The following AKAP6 variants were observed in gnomAD, a reference collection of about 807,000 sequenced individuals.
The protein encoded by AKAP6 is A-kinase anchoring protein 6, also known as A-kinase anchor protein 6.
A neutral mutation model predicts 188.5 loss-of-function variants in AKAP6; 58 were observed. The ratio of observed to expected loss-of-function variants is 0.31; its 90% confidence interval spans 0.25 to 0.38. The LOEUF is 0.38. AKAP6 is among the 10% of genes least tolerant of loss of function. AKAP6 has a pLI of 1.00. For synonymous variants in AKAP6, 989 were observed against 998.6 expected (o/e 0.99, Z 0.18); for missense variants, 2,710 against 2,740.0 (o/e 0.99, Z 0.24).
rs530952037 is a variant in AKAP6 at position 32,604,943 on chromosome 14, C to A, written c.2730+4151C>A. Among the ~76,000 whole-genome samples, 8 of 152,258 alleles carry A rather than the reference C, an allele frequency of 5.3e-5. No homozygotes were observed. The East Asian group carries it at 1.5e-3, about 29-fold the overall frequency. On this transcript the variant is annotated intron_variant, in intron 7 of 13. Coordinates refer to ENST00000280979, the MANE Select transcript of AKAP6 (RefSeq NM_004274.5). ...TCACCTAGGTATTAAGCCCAGCATG[C>A]ATTAGCTTTTTTTCCTGATGCTCTC...
At chr14:32,394,336 A>G (rs1182076494) in intron 1 of AKAP6, among the ~76,000 whole-genome samples, 1 of 152,140 alleles carries the variant, frequency 6.6e-6, no homozygotes, top group Non-Finnish European at 1.5e-5. Flanking sequence ...GCTTCCAAAG[A>G]TTTAAGATTC....
intron 2 of AKAP6, among the ~76,000 whole-genome samples, chr14:32,510,448 A>ACATATATATGTG (rs1881177486): frequency 8.4e-5 from 2 of 23,738 alleles, no homozygotes; most frequent in African/African-American, 3.8e-4. Context: ...GTATATATAT[A>ACATATATATGTG]TACATATATA....
At chr14:32,461,504 C>G (rs1594638516) in intron 2 of AKAP6, among the ~76,000 whole-genome samples, 1 of 152,112 alleles carries the variant, frequency 6.6e-6, no homozygotes, top group East Asian at 1.9e-4. Context: ...AGAAGAAAAA[C>G]TAACAAACAG....
At chr14:32,712,059 G>A (rs941819825) in intron 9 of AKAP6, among the ~76,000 whole-genome samples, 2 of 151,932 alleles carry the variant, frequency 1.3e-5, no homozygotes, top group African/African-American at 2.4e-5. Flanking sequence ...ACAAACTCAT[G>A]GGTAAATATA....
At chr14:32,355,941 ATT>A (rs891602977) in intron 1 of AKAP6, among the ~76,000 whole-genome samples, 1 of 151,840 alleles carries the variant, frequency 6.6e-6, no homozygotes, top group African/African-American at 2.4e-5. Flanking sequence ...CACCCGGCTA[ATT>A]TTTATATATT....
Position 32,821,428 on chromosome 14 carries a change from C to G in AKAP6, c.3615C>G (p.Gly1205=), listed in dbSNP as rs1188304257. The G allele has an allele frequency of 1.2e-6, 2 of 1,611,612 alleles. No homozygotes were observed. The highest frequency in any genetic ancestry group is 2.2e-5 in the South Asian group (2 of 90,680). Residue 1205 remains glycine, a synonymous_variant, in exon 13 of 14, where the codon GGC becomes GGG. Coordinates refer to ENST00000280979, the MANE Select transcript of AKAP6 (RefSeq NM_004274.5). ...ESETLNVIDP[G]LMDLNGMSED... ...AGACTTTGAATGTGATTGATCCTGG[C>G]TTGATGGACCTAAATGGGATGAGTG...
chr14:32,710,474 G>A lies in AKAP6; in HGVS notation c.3000+14364G>A, dbSNP rs576951612. The stretch of plus-strand genomic sequence containing the variant: ...TAAAAGAAGTGATGGAGAAAAAGAT[G>A]TTAAGAGACACACAACATTTCAAGG... On this transcript the variant is annotated intron_variant, in intron 9 of 13. Transcript: ENST00000280979. 3.3e-5 allele frequency among the ~76,000 whole-genome samples: 5 copies of A among 152,200 alleles called. No individual in the cohort carries two copies. The South Asian group carries it at 1.0e-3, about 32-fold the overall frequency.
chr14:32,334,190 G>T (rs1432700225), intron 1 of AKAP6, among the ~76,000 whole-genome samples: 1 of 152,138 alleles, frequency 6.6e-6, no homozygotes, highest in East Asian at 1.9e-4. Context: ...CCTTATTTGT[G>T]ATTTAGCCTT....
At chr14:32,363,628 G>A (rs1887734483) in intron 1 of AKAP6, among the ~76,000 whole-genome samples, 1 of 152,218 alleles carries the variant, frequency 6.6e-6, no homozygotes, top group Non-Finnish European at 1.5e-5. Flanking sequence ...AAGGCCAGAA[G>A]ACTCAGCAAG....
chr14:32,508,853 G>A (rs879817669), intron 2 of AKAP6, among the ~76,000 whole-genome samples: 26 of 150,662 alleles, frequency 1.7e-4, no homozygotes, highest in Non-Finnish European at 3.7e-4. Context: ...TTGATACGGA[G>A]TCTCGCTCTG....
chr14:32,410,440 T>C (rs946391911), intron 1 of AKAP6, among the ~76,000 whole-genome samples: 5 of 152,188 alleles, frequency 3.3e-5, no homozygotes, highest in Non-Finnish European at 5.9e-5. Context: ...CAAACCAATG[T>C]ACATCTTAAA....
chr14:32,765,585 C>T (rs2032688746), intron 11 of AKAP6, among the ~76,000 whole-genome samples: 1 of 151,892 alleles, frequency 6.6e-6, no homozygotes, highest in Non-Finnish European at 1.5e-5. Flanking sequence ...AAAAATGACA[C>T]TGCATTATTT....
chr14:32,442,162 C>T (rs566527305), intron 2 of AKAP6, among the ~76,000 whole-genome samples: 3 of 152,188 alleles, frequency 2.0e-5, no homozygotes, highest in Non-Finnish European at 4.4e-5. Flanking sequence ...ATTTAATCCT[C>T]ACAATCACCC....
At chr14:32,744,430 C>A (rs1288122592) in intron 11 of AKAP6, among the ~76,000 whole-genome samples, 1 of 152,080 alleles carries the variant, frequency 6.6e-6, no homozygotes, top group Non-Finnish European at 1.5e-5. Context: ...CATTGTCCTG[C>A]CTCAGCCTCA....
chr14:32,617,268 C>T (rs1465883083), intron 7 of AKAP6, among the ~76,000 whole-genome samples: 1 of 152,138 alleles, frequency 6.6e-6, no homozygotes, highest in Non-Finnish European at 1.5e-5. Context: ...TCTTGTTCAG[C>T]TCCCTATCTT....
intron 7 of AKAP6, among the ~76,000 whole-genome samples, chr14:32,647,543 G>C (rs996950124): frequency 1.3e-5 from 2 of 152,000 alleles, no homozygotes; most frequent in Non-Finnish European, 2.9e-5. Flanking sequence ...AATTTAAGTG[G>C]CATCTTCAGC....
intron 7 of AKAP6, among the ~76,000 whole-genome samples, chr14:32,624,476 G>T (rs1219809271): frequency 6.6e-6 from 1 of 152,076 alleles, no homozygotes; most frequent in Non-Finnish European, 1.5e-5. Context: ...TATAGTTGTT[G>T]AGTGGCCCTT....
At chr14:32,338,517 G>A (rs1886788901) in intron 1 of AKAP6, among the ~76,000 whole-genome samples, 1 of 152,114 alleles carries the variant, frequency 6.6e-6, no homozygotes, top group Non-Finnish European at 1.5e-5. Context: ...AATTCTCTGA[G>A]CAAGAGATTA....
At chr14:32,410,827 T>A (rs1430324331) in intron 1 of AKAP6, among the ~76,000 whole-genome samples, 1 of 152,212 alleles carries the variant, frequency 6.6e-6, no homozygotes, top group Non-Finnish European at 1.5e-5. Flanking sequence ...TTAGATGATG[T>A]TGTTAGAAAG....
Sources: allele counts gnomAD v4.1 joint callset (sites outside exome capture counted in the v4.1 genomes callset), GRCh38; gene constraint gnomAD v4.1.1; transcripts MANE v1.5; gene names NCBI Gene and HGNC (gene_info 2026-07-23, HGNC 2026-07-21).